Variants in GRIK1 observed in about 807,000 individuals in gnomAD.
GRIK1 encodes glutamate ionotropic receptor kainate type subunit 1, also known as glutamate receptor ionotropic, kainate 1.
A neutral mutation model predicts 105.7 loss-of-function variants in GRIK1; 69 were observed. The observed-to-expected ratio is 0.65, with a 90% CI of 0.54 to 0.80. GRIK1 has a LOEUF of 0.80. GRIK1 is among the 30% of genes least tolerant of loss of function. GRIK1 has a pLI of 0.00. For synonymous variants in GRIK1, 438 were observed against 431.3 expected (o/e 1.02, Z -0.19); for missense variants, 1,109 against 1,167.3 (o/e 0.95, Z 0.73).
intron 16 of GRIK1, among the ~76,000 whole-genome samples, chr21:29,541,004 T>G (rs2123646502): frequency 6.6e-6 from 1 of 151,242 alleles, no homozygotes; most frequent in African/African-American, 2.4e-5. Context: ...AGTCTCACTC[T>G]GTCACCAGGC....
At chr21:29,598,519 A>G (rs1254289688) in intron 8 of GRIK1, among the ~76,000 whole-genome samples, 1 of 152,232 alleles carries the variant, frequency 6.6e-6, no homozygotes, top group Non-Finnish European at 1.5e-5. Flanking sequence ...TCAATTTGTT[A>G]AAAGCTTTAA....
chr21:29,854,563 G>T (rs536429889), intron 1 of GRIK1, among the ~76,000 whole-genome samples: 1 of 152,124 alleles, frequency 6.6e-6, no homozygotes, highest in African/African-American at 2.4e-5. Context: ...GGGGAATGAG[G>T]TAGACAAAAT....
chr21:29,874,453 A>G (rs1460342012), intron 1 of GRIK1, among the ~76,000 whole-genome samples: 1 of 152,148 alleles, frequency 6.6e-6, no homozygotes, highest in African/African-American at 2.4e-5. Flanking sequence ...CTCATACGTG[A>G]TTAGCTGAAC....
chr21:29,696,878 C>A (rs1407576363), intron 1 of GRIK1, among the ~76,000 whole-genome samples: 2 of 152,172 alleles, frequency 1.3e-5, no homozygotes, highest in African/African-American at 4.8e-5. Context: ...AATTTTGAAA[C>A]CTGATCTACC....
At chr21:29,677,568 G>C (rs2063294517) in intron 3 of GRIK1, among the ~76,000 whole-genome samples, 1 of 151,744 alleles carries the variant, frequency 6.6e-6, no homozygotes, top group South Asian at 2.1e-4. Context: ...GCAACAGGTG[G>C]AGCATATGGA....
At chr21:29,757,907 G>A (rs1286016693) in intron 1 of GRIK1, among the ~76,000 whole-genome samples, 4 of 152,248 alleles carry the variant, frequency 2.6e-5, no homozygotes, top group African/African-American at 7.2e-5. Flanking sequence ...GTTGAGGGAT[G>A]CTGCTTTATA....
chr21:29,610,967 T>C lies in GRIK1; in HGVS notation c.1099-12030A>G, dbSNP rs142959197. Among the ~76,000 whole-genome samples the C allele has an allele frequency of 4.5e-4, 68 of 152,282 alleles. No individual in the cohort carries two copies. In the East Asian group the frequency reaches 0.012, roughly 26 times the overall value. ...CAATGAACATCTTGCACTGCCCCCATGTAAATTAATCAGGTCTAAGCACAA... is the reference window on the plus strand; with the variant it reads ...CAATGAACATCTTGCACTGCCCCCACGTAAATTAATCAGGTCTAAGCACAA... On this transcript the variant is annotated intron_variant, in intron 7 of 17. Transcript: ENST00000327783.
At chr21:29,566,617 T>C (rs1375836378) in intron 14 of GRIK1, among the ~76,000 whole-genome samples, 2 of 152,236 alleles carry the variant, frequency 1.3e-5, no homozygotes, top group Non-Finnish European at 1.5e-5. Context: ...AAATAGTTTA[T>C]AATGTTTGCA....
At chr21:29,695,038 G>A (rs904863441) in intron 1 of GRIK1, among the ~76,000 whole-genome samples, 57 of 151,746 alleles carry the variant, frequency 3.8e-4, no homozygotes, top group Admixed American at 1.3e-4. Context: ...ACCTGCATCA[G>A]GTAACTGAAG....
At chr21:29,692,071 A>G (rs1422455450) in intron 2 of GRIK1, among the ~76,000 whole-genome samples, 1 of 152,244 alleles carries the variant, frequency 6.6e-6, no homozygotes, top group Non-Finnish European at 1.5e-5. Context: ...CAGCATAAGC[A>G]ATGGATTGAG....
At chr21:29,780,884 T>G (rs1251187476) in intron 1 of GRIK1, among the ~76,000 whole-genome samples, 1 of 152,180 alleles carries the variant, frequency 6.6e-6, no homozygotes, top group African/African-American at 2.4e-5. Flanking sequence ...ATGAAAGACA[T>G]GTCAGGAGAG....
chr21:29,620,793 C>CTATATATATATAGATATATATATA (rs1568897423), intron 7 of GRIK1, among the ~76,000 whole-genome samples: 1 of 121,536 alleles, frequency 8.2e-6, no homozygotes, highest in African/African-American at 3.6e-5. Flanking sequence ...ATATATATAT[C>CTATATATATATAGATATATATATA]TATATATATA....
In GRIK1 at chr21:29,537,724, T is replaced by C. The variant is rs16984337; in HGVS notation, c.2694+74A>G. ...AGTTAAATTAAGTCATTTCCCCCAC[T>C]GAGATGATCCAAACATTGATAGGAT... On this transcript the variant is annotated intron_variant, in intron 17 of 17. Transcript: ENST00000327783. 8.9e-3 allele frequency: 7,347 copies of C among 822,738 alleles called. 222 individuals are homozygous for C. The highest frequency in any genetic ancestry group is 0.076 in the African/African-American group (4,535 of 59,716). 51.0% of individuals were successfully genotyped at this position (822,738 alleles called of 1,614,324 possible). A position where few individuals can be genotyped will look rare whatever the true frequency, so the allele number is the denominator to read the frequency against.
At chr21:29,866,853 A>T (rs1274639777) in intron 1 of GRIK1, among the ~76,000 whole-genome samples, 1 of 151,864 alleles carries the variant, frequency 6.6e-6, no homozygotes, top group African/African-American at 2.4e-5. Flanking sequence ...AGGTATATAT[A>T]GAGTAGAGAA....
intron 14 of GRIK1, among the ~76,000 whole-genome samples, chr21:29,573,692 T>TA (rs920725280): frequency 6.6e-6 from 1 of 151,468 alleles, no homozygotes; most frequent in Non-Finnish European, 1.5e-5. Flanking sequence ...TCTATTAAAA[T>TA]AAAAAAATTA....
chr21:29,808,149 G>A (rs2066914055), intron 1 of GRIK1, among the ~76,000 whole-genome samples: 1 of 152,088 alleles, frequency 6.6e-6, no homozygotes, highest in South Asian at 2.1e-4. Flanking sequence ...CCAGAATAAG[G>A]GAGGGAAGTT....
chr21:29,643,912 A>ACG (rs2062565208), intron 6 of GRIK1, among the ~76,000 whole-genome samples: 2 of 148,888 alleles, frequency 1.3e-5, no homozygotes, highest in African/African-American at 5.1e-5. Context: ...ACACACATGC[A>ACG]CACACACACA....
intron 13 of GRIK1, among the ~76,000 whole-genome samples, chr21:29,580,027 G>T (rs919735835): frequency 1.5e-5 from 2 of 136,564 alleles, no homozygotes; most frequent in African/African-American, 6.2e-5. Flanking sequence ...GTGTATATAT[G>T]TATATATGTG....
At chr21:29,643,697 AGCATTTTATAAAATATGC>A (rs68154086) in intron 6 of GRIK1, among the ~76,000 whole-genome samples, 8,577 of 152,274 alleles carry the variant, frequency 0.056, 312 homozygotes, top group Admixed American at 0.1. Flanking sequence ...TACATAATAC[AGCATTTTATAAAATATGC>A]TTCCCTGTGG....
Sources: allele counts gnomAD v4.1 joint callset (sites outside exome capture counted in the v4.1 genomes callset), GRCh38; gene constraint gnomAD v4.1.1; transcripts MANE v1.5; gene names NCBI Gene and HGNC (gene_info 2026-07-23, HGNC 2026-07-21).